SNX24: variants seen among roughly 807,000 people sequenced by gnomAD.
SNX24 encodes sorting nexin-24.
A neutral mutation model predicts 28.7 loss-of-function variants in SNX24; 22 were observed. That is an observed-to-expected ratio of 0.77 (90% CI 0.55 to 1.10). The LOEUF (loss-of-function observed/expected upper bound fraction) is 1.10, where lower values mean the gene tolerates loss of function less well. SNX24 is among the 50% of genes least tolerant of loss of function. SNX24 has a pLI of 0.00. For missense variants in SNX24, 221 were observed against 201.1 expected (o/e 1.10, Z -0.60); for synonymous variants, 69 against 71.5 (o/e 0.96, Z 0.18).
intron 1 of SNX24, among the ~76,000 whole-genome samples, chr5:122,933,713 AGT>A (rs1390095500): frequency 2.0e-5 from 3 of 152,110 alleles, no homozygotes; most frequent in African/African-American, 4.8e-5. Context: ...TTCACCTTAA[AGT>A]GTGTGGGGTT....
At chr5:122,851,282 A>C (rs1000036843) in intron 1 of SNX24, among the ~76,000 whole-genome samples, 5 of 152,042 alleles carry the variant, frequency 3.3e-5, no homozygotes, top group African/African-American at 1.2e-4. Context: ...CTCCTGCCTC[A>C]GCCTCCCAAG....
At chr5:122,862,090 G>A (rs1194784123) in intron 1 of SNX24, among the ~76,000 whole-genome samples, 3 of 152,160 alleles carry the variant, frequency 2.0e-5, no homozygotes, top group Admixed American at 6.6e-5. Context: ...AGAAAGGGAG[G>A]GAAATCATTT....
chr5:122,909,974 C>G (rs747652593), intron 1 of SNX24, among the ~76,000 whole-genome samples: 1 of 152,136 alleles, frequency 6.6e-6, no homozygotes, highest in Non-Finnish European at 1.5e-5. Context: ...AGGAATGCAA[C>G]TTTGAAGCCA....
chr5:122,880,558 A>G (rs1231990279), intron 1 of SNX24, among the ~76,000 whole-genome samples: 2 of 152,164 alleles, frequency 1.3e-5, no homozygotes. Flanking sequence ...ACTGAGTGCA[A>G]AGTTGATTGT....
chr5:122,884,062 A>T (rs1269747778), intron 1 of SNX24, among the ~76,000 whole-genome samples: 1 of 152,112 alleles, frequency 6.6e-6, no homozygotes, highest in Non-Finnish European at 1.5e-5. Context: ...ACACTATTTG[A>T]TTTATTCAAT....
chr5:122,886,823 C>G (rs1018957093), intron 1 of SNX24, among the ~76,000 whole-genome samples: 10 of 151,144 alleles, frequency 6.6e-5, no homozygotes, highest in African/African-American at 2.4e-4. Context: ...GAGCGAGACT[C>G]TGACTCAAAA....
Position 123,007,868 on chromosome 5 carries a change from G to A in SNX24, c.*119G>A. ...TAACAGCTCTAGCTAGTGGTAAAGT[G>A]CACAGTCCCAGCTTAATTCAGGGCA... is the stretch of plus-strand genomic sequence containing the variant. On this transcript the variant is annotated 3_prime_UTR_variant, in exon 7 of 7. Coordinates refer to ENST00000261369, the MANE Select transcript of SNX24 (RefSeq NM_014035.4). 6.7e-7 allele frequency: 1 copy of A among 1,501,732 alleles called. No individual in the cohort carries two copies. Among genetic ancestry groups the A allele is most frequent in the Non-Finnish European group, 8.9e-7 (1 of 1,128,332 alleles). The allele number at this position is 1,501,732 out of a possible 1,614,324, so 93.0% of individuals were successfully genotyped here. A position where few individuals can be genotyped will look rare whatever the true frequency, so the allele number is the denominator to read the frequency against.
intron 5 of SNX24, among the ~76,000 whole-genome samples, chr5:123,018,770 TC>T (rs1281078372): frequency 6.6e-6 from 1 of 151,914 alleles, no homozygotes; most frequent in Non-Finnish European, 1.5e-5. Flanking sequence ...CACTGCAACC[TC>T]CGCCTCCCGG....
rs76082477 is a variant in SNX24, at chr5:122,905,676, A to C, written c.61-31058A>C. On this transcript the variant is annotated intron_variant, in intron 1 of 6. Coordinates refer to ENST00000261369, the MANE Select transcript of SNX24 (RefSeq NM_014035.4). ...CCTGTAATAACCCTAGGAACACCTG[A>C]TTGGAGATCTGTCCAAACTTCCTGA... Among the ~76,000 whole-genome samples the C allele has an allele frequency of 1.6e-4, 25 of 152,326 alleles. No individual in the cohort carries two copies. The East Asian group carries it at 4.6e-3, about 28-fold the overall frequency.
chr5:122,965,342 G>C, intron 3 of SNX24: 1 of 408,196 alleles, frequency 2.4e-6, no homozygotes, highest in Admixed American at 2.6e-5. Flanking sequence ...AATTGCTGCC[G>C]ACTGGCTGCC....
intron 3 of SNX24, among the ~76,000 whole-genome samples, chr5:122,999,455 TACACACAC>T (rs71928842): frequency 6.7e-6 from 1 of 149,854 alleles, no homozygotes; most frequent in South Asian, 2.1e-4. Flanking sequence ...TGTGGGGAGA[TACACACAC>T]ACACACACAC....
chr5:123,010,734 G>A (rs186763336), downstream of SNX24, among the ~76,000 whole-genome samples: 10 of 152,220 alleles, frequency 6.6e-5, no homozygotes, highest in East Asian at 1.5e-3. Context: ...TGTACTTAAT[G>A]TGTCTACTTT....
At chr5:123,023,827 C>A (rs371305785) in intron 5 of SNX24, 13 of 1,605,048 alleles carry the variant, frequency 8.1e-6, no homozygotes, top group Non-Finnish European at 1.0e-5. Flanking sequence ...CACACACACA[C>A]ACACACACAC....
At chr5:122,953,012 A>C (rs1760024408) in intron 3 of SNX24, among the ~76,000 whole-genome samples, 1 of 151,996 alleles carries the variant, frequency 6.6e-6, no homozygotes, top group Non-Finnish European at 1.5e-5. Flanking sequence ...TAGAAGGAAA[A>C]ATAGTTGAAA....
rs1303875257 is a variant in SNX24 at position 122,933,829 on chromosome 5, C to CT, written c.61-2893dup. On this transcript the variant is annotated intron_variant, in intron 1 of 6. Coordinates refer to ENST00000261369, the MANE Select transcript of SNX24 (RefSeq NM_014035.4). ...AGGCAACACATTCAACTCTTTTTTTCTTTTTTTTTTTTCCACGATCTCTGC... is the reference window on the plus strand; with the variant it reads ...AGGCAACACATTCAACTCTTTTTTTCTTTTTTTTTTTTTCCACGATCTCTGC... Among the ~76,000 whole-genome samples the CT allele has an allele frequency of 3.9e-3, 565 of 145,686 alleles. 2 individuals carry two copies. The highest frequency in any genetic ancestry group is 5.5e-3 in the Non-Finnish European group (362 of 65,978).
chr5:122,984,549 AC>A (rs1278381612), intron 3 of SNX24, among the ~76,000 whole-genome samples: 1 of 152,190 alleles, frequency 6.6e-6, no homozygotes, highest in African/African-American at 2.4e-5. Flanking sequence ...TCAGGAGTTT[AC>A]TCTGACCCAA....
intron 1 of SNX24, among the ~76,000 whole-genome samples, chr5:122,847,494 C>A (rs1406543260): frequency 1.5e-5 from 1 of 66,484 alleles, no homozygotes; most frequent in African/African-American, 9.3e-5. Context: ...GTTAAAATCT[C>A]TCTCTCTCTT....
At chr5:122,974,137 C>T (rs1439699013) in intron 3 of SNX24, among the ~76,000 whole-genome samples, 2 of 152,188 alleles carry the variant, frequency 1.3e-5, no homozygotes, top group African/African-American at 4.8e-5. Context: ...GGGCCAAATG[C>T]AGCAACTTAT....
At chr5:122,915,666 A>G (rs1389521300) in intron 1 of SNX24, among the ~76,000 whole-genome samples, 1 of 152,182 alleles carries the variant, frequency 6.6e-6, no homozygotes, top group East Asian at 1.9e-4. Flanking sequence ...ACATCTGATC[A>G]TATCAGCTCC....
Sources: allele counts gnomAD v4.1 joint callset (sites outside exome capture counted in the v4.1 genomes callset), GRCh38; gene constraint gnomAD v4.1.1; transcripts MANE v1.5; gene names NCBI Gene and HGNC (gene_info 2026-07-23, HGNC 2026-07-21).